Variants in IL1R1 observed in about 807,000 individuals in gnomAD.
IL1R1 encodes the protein interleukin-1 receptor type 1.
In IL1R1, 22 loss-of-function variants were observed where a neutral mutation model predicts 50.2. The observed-to-expected ratio is 0.44, with a 90% CI of 0.31 to 0.63. The LOEUF (loss-of-function observed/expected upper bound fraction) is 0.63. IL1R1 is among the 20% of genes least tolerant of loss of function. IL1R1 has a pLI of 0.07. For missense variants in IL1R1, 509 were observed against 676.2 expected (o/e 0.75, Z 2.74); for synonymous variants, 251 against 236.7 (o/e 1.06, Z -0.55).
At chr2:102,098,917 T>C (rs1001034441) in intron 1 of IL1R1, among the ~76,000 whole-genome samples, 1 of 152,216 alleles carries the variant, frequency 6.6e-6, no homozygotes, top group African/African-American at 2.4e-5. Flanking sequence ...TTGAAGACAA[T>C]ACAGTTTCAC....
chr2:102,105,833 A>G (rs999351779), intron 1 of IL1R1, among the ~76,000 whole-genome samples: 1 of 152,220 alleles, frequency 6.6e-6, no homozygotes, highest in Non-Finnish European at 1.5e-5. Flanking sequence ...TGTTGCACCT[A>G]TAGCTATAGA....
chr2:102,146,450 G>A (rs1313288439), intron 1 of IL1R1, among the ~76,000 whole-genome samples: 1 of 152,226 alleles, frequency 6.6e-6, no homozygotes, highest in Non-Finnish European at 1.5e-5. Flanking sequence ...GTGTGCAGAT[G>A]CTTGAGCTAA....
chr2:102,072,924 C>G (rs373336153), intron 1 of IL1R1, among the ~76,000 whole-genome samples: 1 of 152,174 alleles, frequency 6.6e-6, no homozygotes, highest in Non-Finnish European at 1.5e-5. Context: ...AGGCCCTTCC[C>G]GGCCAGTTCT....
At chr2:102,158,349 C>T (rs1684394147) in intron 3 of IL1R1, among the ~76,000 whole-genome samples, 1 of 151,954 alleles carries the variant, frequency 6.6e-6, no homozygotes, top group South Asian at 2.1e-4. Context: ...GATAAGTAGA[C>T]ATATATTGTG....
intron 7 of IL1R1, 72 bp from the exon 8 acceptor site, chr2:102,171,729 A>G (rs1685688265): frequency 5.1e-6 from 4 of 789,032 alleles, no homozygotes; most frequent in Admixed American, 2.9e-5. Context: ...TTTTAATTCA[A>G]TAGCCATTTA....
At chr2:102,077,831 T>G (rs1224943573) in intron 1 of IL1R1, among the ~76,000 whole-genome samples, 1 of 152,164 alleles carries the variant, frequency 6.6e-6, no homozygotes, top group East Asian at 1.9e-4. Context: ...CATAAAACAA[T>G]GCTTAGTACA....
At chr2:102,108,884 A>G (rs2104358960) in intron 1 of IL1R1, among the ~76,000 whole-genome samples, 1 of 151,600 alleles carries the variant, frequency 6.6e-6, no homozygotes, top group East Asian at 1.9e-4. Context: ...CTCCCAGCTC[A>G]GTGCTGGGCT....
In IL1R1 at chr2:102,157,750, G is replaced by A. The variant is rs771763567; in HGVS notation, c.26G>A (p.Cys9Tyr). 9.3e-6 allele frequency: 15 copies of A among 1,607,236 alleles called. No homozygotes were observed. The African/African-American group carries it at 1.5e-4, about 16-fold the overall frequency. Residue 9 changes from cysteine (C) to tyrosine (Y), a missense_variant, in exon 3 of 12, where the codon TGT (cysteine) becomes TAT (tyrosine). Coordinates refer to ENST00000410023, the MANE Select transcript of IL1R1 (RefSeq NM_000877.4). ...ATGAAAGTGTTACTCAGACTTATTT[G>A]TTTCATAGCTCTACTGATTTCTTCT... MKVLLRLI[C>Y]FIALLISSLE... is the part of the protein sequence containing the mutation.
chr2:102,104,832 C>A (rs1311479506), exon 1 of IL1R1: 1 of 152,196 alleles, frequency 6.6e-6, no homozygotes, highest in Non-Finnish European at 1.5e-5. Context: ...TCCTGGGAGG[C>A]CAGCCATTCC....
intron 1 of IL1R1, among the ~76,000 whole-genome samples, chr2:102,109,762 A>T (rs888398998): frequency 1.3e-5 from 2 of 152,166 alleles, no homozygotes; most frequent in African/African-American, 4.8e-5. Context: ...CGTTTAAAAT[A>T]TTGAGAGATA....
At chr2:102,086,880 A>G (rs934547324) in intron 1 of IL1R1, among the ~76,000 whole-genome samples, 2 of 152,134 alleles carry the variant, frequency 1.3e-5, no homozygotes, top group African/African-American at 4.8e-5. Flanking sequence ...AGTGACCTAC[A>G]TTTTTGAAGC....
chr2:102,075,811 C>G (rs908045789), intron 1 of IL1R1, among the ~76,000 whole-genome samples: 4 of 152,062 alleles, frequency 2.6e-5, no homozygotes, highest in Admixed American at 6.6e-5. Context: ...CTATGAGGAG[C>G]CATTTAAATT....
intron 1 of IL1R1, among the ~76,000 whole-genome samples, chr2:102,074,223 C>A (rs750239949): frequency 1.3e-5 from 2 of 152,200 alleles, no homozygotes; most frequent in Non-Finnish European, 2.9e-5. Context: ...CAACAACCAT[C>A]TTCTCTTTTC....
chr2:102,071,983 G>A (rs1009553641), intron 1 of IL1R1, among the ~76,000 whole-genome samples: 4 of 152,142 alleles, frequency 2.6e-5, no homozygotes, highest in African/African-American at 7.2e-5. Context: ...TTGGCCGGGT[G>A]TGGTAGCTTA....
intron 9 of IL1R1, among the ~76,000 whole-genome samples, chr2:102,174,090 C>A (rs186762559): frequency 6.6e-6 from 1 of 152,132 alleles, no homozygotes; most frequent in African/African-American, 2.4e-5. Flanking sequence ...CTTCTCTAGC[C>A]CCCTCCCCAT....
chr2:102,153,131 A>G (rs1683846314), intron 1 of IL1R1, among the ~76,000 whole-genome samples: 1 of 152,192 alleles, frequency 6.6e-6, no homozygotes, highest in Non-Finnish European at 1.5e-5. Flanking sequence ...TATGGGGTGT[A>G]GGTATGTTAA....
chr2:102,082,056 T>C (rs1470061512), intron 1 of IL1R1, among the ~76,000 whole-genome samples: 1 of 152,222 alleles, frequency 6.6e-6, no homozygotes, highest in African/African-American at 2.4e-5. Context: ...TCAGTTGATG[T>C]GGGCAAATAA....
chr2:102,144,233 G>A (rs1456869380), intron 1 of IL1R1, among the ~76,000 whole-genome samples: 1 of 152,178 alleles, frequency 6.6e-6, no homozygotes, highest in Admixed American at 6.5e-5. Context: ...TAGAGCCTTT[G>A]AGAATGGGGT....
At chr2:102,163,825 C>A (rs1028900913) in intron 3 of IL1R1, among the ~76,000 whole-genome samples, 1 of 151,992 alleles carries the variant, frequency 6.6e-6, no homozygotes, top group African/African-American at 2.4e-5. Context: ...TTTCGTATTC[C>A]CCAGAATGTT....
Sources: gnomAD v4.1 joint callset for allele counts (sites outside exome capture counted in the v4.1 genomes callset) on GRCh38, gnomAD v4.1.1 for gene constraint, MANE v1.5 for transcripts, NCBI Gene and HGNC (gene_info 2026-07-23, HGNC 2026-07-21) for gene names.